TNIK: variants seen among roughly 807,000 people sequenced by gnomAD.
TNIK encodes TRAF2 and NCK interacting kinase, also known as TRAF2 and NCK-interacting protein kinase.
Under a neutral mutation model 191.3 loss-of-function variants are expected in TNIK, and 49 were observed. The observed-to-expected ratio is 0.26, with a 90% confidence interval of 0.20 to 0.32. TNIK has a LOEUF of 0.32. TNIK is among the 10% of genes least tolerant of loss of function. The pLI, the probability that TNIK is intolerant of heterozygous loss-of-function variation, is 1.00. For missense variants in TNIK, 1,155 were observed against 1,702.3 expected, an observed-to-expected ratio of 0.68 and a Z score of 5.66; for synonymous variants, 594 against 600.9, an observed-to-expected ratio of 0.99 and a Z score of 0.17.
chr3:171,393,717 AACTGATCTCTTTCGTAAT>A (rs1719863248), intron 1 of TNIK, among the ~76,000 whole-genome samples: 1 of 152,242 alleles, frequency 6.6e-6, no homozygotes, highest in Non-Finnish European at 1.5e-5. Flanking sequence ...GGAACACAGT[AACTGATCTCTTTCGTAAT>A]TTTCATTTGT....
chr3:171,227,582 C>G (rs1323412256), intron 3 of TNIK, among the ~76,000 whole-genome samples: 1 of 152,170 alleles, frequency 6.6e-6, no homozygotes, highest in African/African-American at 2.4e-5. Flanking sequence ...ACTCTAACTA[C>G]ATAAGGCAGT....
At chr3:171,379,611 G>A (rs1164667768) in intron 1 of TNIK, among the ~76,000 whole-genome samples, 1 of 152,192 alleles carries the variant, frequency 6.6e-6, no homozygotes, top group Non-Finnish European at 1.5e-5. Context: ...GGCAAGTTAA[G>A]AAAACTCTTC....
intron 1 of TNIK, among the ~76,000 whole-genome samples, chr3:171,432,020 A>C (rs998089965): frequency 2.0e-5 from 3 of 152,248 alleles, no homozygotes; most frequent in Non-Finnish European, 2.9e-5. Context: ...GTAATATATA[A>C]AAATTTTAGT....
chr3:171,383,101 A>T (rs373216138), intron 1 of TNIK, among the ~76,000 whole-genome samples: 9 of 152,322 alleles, frequency 5.9e-5, no homozygotes, highest in African/African-American at 2.2e-4. Context: ...CAATGCCAAA[A>T]CATACATTCT....
chr3:171,431,953 A>C (rs906057789), intron 1 of TNIK, among the ~76,000 whole-genome samples: 5 of 152,250 alleles, frequency 3.3e-5, no homozygotes, highest in Admixed American at 3.3e-4. Context: ...CTGGGAAATG[A>C]TTGATTTTCC....
intron 4 of TNIK, among the ~76,000 whole-genome samples, chr3:171,198,931 T>G (rs907046627): frequency 1.3e-5 from 2 of 152,192 alleles, no homozygotes; most frequent in Non-Finnish European, 2.9e-5. Context: ...ATTGCTCCTG[T>G]ATCAGCTGGG....
At chr3:171,158,905 A>G (rs905740853) in intron 11 of TNIK, among the ~76,000 whole-genome samples, 4 of 152,194 alleles carry the variant, frequency 2.6e-5, no homozygotes, top group Admixed American at 2.6e-4. Context: ...GCAGGTTTAG[A>G]GGCCTGAGAG....
chr3:171,264,608 G>A (rs1187547571), intron 2 of TNIK, among the ~76,000 whole-genome samples: 1 of 152,110 alleles, frequency 6.6e-6, no homozygotes, highest in Non-Finnish European at 1.5e-5. Flanking sequence ...AAGGAAATTT[G>A]TCTGCAGGTG....
chr3:171,211,072 T>A (rs748949710), intron 4 of TNIK, 44 bp downstream of exon 4: 1 of 1,599,562 alleles, frequency 6.3e-7, no homozygotes, highest in East Asian at 2.2e-5. Context: ...TTGGCCGTGT[T>A]TGTTTTTTAT....
At chr3:171,375,725 G>A (rs951294388) in intron 1 of TNIK, among the ~76,000 whole-genome samples, 1 of 152,156 alleles carries the variant, frequency 6.6e-6, no homozygotes, top group Non-Finnish European at 1.5e-5. Flanking sequence ...ATTGAAAAAG[G>A]CAAACTTAAG....
chr3:171,293,574 CT>C (rs1438646594), intron 2 of TNIK, among the ~76,000 whole-genome samples: 2 of 152,142 alleles, frequency 1.3e-5, no homozygotes, highest in Non-Finnish European at 2.9e-5. Flanking sequence ...CTAATAGTGG[CT>C]AGTTTCCCCT....
At chr3:171,341,334 C>T (rs888507422) in intron 2 of TNIK, among the ~76,000 whole-genome samples, 2 of 151,518 alleles carry the variant, frequency 1.3e-5, no homozygotes, top group African/African-American at 2.4e-5. Flanking sequence ...TTAGCCAGGT[C>T]TGGTGGCACA....
At chr3:171,238,057 C>A (rs779685759) in intron 2 of TNIK, among the ~76,000 whole-genome samples, 47 of 152,154 alleles carry the variant, frequency 3.1e-4, no homozygotes, top group Non-Finnish European at 5.6e-4. Context: ...TATCTCTCCC[C>A]CTCCAACAGA....
chr3:171,223,044 CTCCTTG>C (rs1230936839), intron 3 of TNIK, among the ~76,000 whole-genome samples: 2 of 152,226 alleles, frequency 1.3e-5, no homozygotes, highest in Non-Finnish European at 2.9e-5. Context: ...ACCTTGTAAA[CTCCTTG>C]TCACAGTATT....
intron 2 of TNIK, among the ~76,000 whole-genome samples, chr3:171,314,528 T>C (rs1307984235): frequency 6.6e-6 from 1 of 152,152 alleles, no homozygotes; most frequent in Non-Finnish European, 1.5e-5. Context: ...TGATCTTGGA[T>C]GTATAAAATG....
intron 2 of TNIK, among the ~76,000 whole-genome samples, chr3:171,256,229 A>C (rs1203830996): frequency 2.6e-5 from 4 of 152,178 alleles, no homozygotes; most frequent in African/African-American, 9.7e-5. Flanking sequence ...GCATGGGAAC[A>C]GAAAGCAAAC....
intron 1 of TNIK, among the ~76,000 whole-genome samples, chr3:171,415,973 C>CAAAAAAA (rs769531813): frequency 7.5e-3 from 93 of 12,464 alleles, no homozygotes; most frequent in African/African-American, 0.015. Flanking sequence ...GAGACTGTCT[C>CAAAAAAA]AAAAAAAAAA....
At chr3:171,141,916 C>T (rs1336963365) in intron 12 of TNIK, among the ~76,000 whole-genome samples, 1 of 152,180 alleles carries the variant, frequency 6.6e-6, no homozygotes, top group Non-Finnish European at 1.5e-5. Context: ...GACTGTCTCA[C>T]ACTGATAAGT....
In TNIK at chr3:171,248,576, T is replaced by C. The variant is rs116240632; in HGVS notation, c.124-20355A>G. 9.7e-3 allele frequency among the ~76,000 whole-genome samples: 1,476 copies of C among 152,290 alleles called. 5 individuals carry two copies. The highest frequency in any genetic ancestry group is 0.014 in the Non-Finnish European group (930 of 68,020). ...ACTGACAAAAGACCCGAGGGCTTAGTCAACATCAAAGAACAGGTGTGTAGG... is the reference window on the plus strand; with the variant it reads ...ACTGACAAAAGACCCGAGGGCTTAGCCAACATCAAAGAACAGGTGTGTAGG... On this transcript the variant is annotated intron_variant, in intron 2 of 32. Coordinates refer to ENST00000436636, the MANE Select transcript of TNIK (RefSeq NM_015028.4).
Sources: gnomAD v4.1 joint callset for allele counts (sites outside exome capture counted in the v4.1 genomes callset) on GRCh38, gnomAD v4.1.1 for gene constraint, MANE v1.5 for transcripts, NCBI Gene and HGNC (gene_info 2026-07-23, HGNC 2026-07-21) for gene names.